Variants in TTN observed in about 807,000 individuals in gnomAD.
The protein encoded by TTN is connectin.
In TTN, 1,525 loss-of-function variants were observed where a neutral mutation model predicts 3,223.0. That is an observed-to-expected ratio of 0.47 (90% CI 0.45 to 0.49). The LOEUF is 0.49. Ranked by LOEUF, TTN falls within the 20% of genes least tolerant of loss-of-function variation. The pLI is 0.00. For synonymous variants in TTN, 14,094 were observed against 15,161.0 expected (o/e 0.93, Z 5.17); for missense variants, 40,786 against 43,424.0 (o/e 0.94, Z 5.40).
rs371014054 is a variant in TTN at position 178,727,579 on chromosome 2, G to A, written c.19993+6C>T. Reference sequence around the variant, plus strand: ...ACAGAAACATAAAGGAATCAAATTTGCACACCTGTCACAAGCAACATCGTA... The same window carrying A: ...ACAGAAACATAAAGGAATCAAATTTACACACCTGTCACAAGCAACATCGTA... On this transcript the variant is annotated splice_donor_region_variant and intron_variant, in intron 68 of 362. Transcript: ENST00000589042. 1.3e-6 allele frequency: 2 copies of A among 1,552,212 alleles called. No individual in the cohort carries two copies. Among genetic ancestry groups the A allele is most frequent in the African/African-American group, 1.4e-5 (1 of 72,770 alleles).
chr2:178,752,008 T>A, intron 47 of TTN: 1 of 1,592,504 alleles, frequency 6.3e-7, no homozygotes, highest in East Asian at 2.2e-5. Context: ...TATCCCTTTC[T>A]GAATGTTCAG....
At position 178,589,781 on chromosome 2, in the gene TTN, T is replaced by C. The variant is rs1166290484; in HGVS notation, c.61944A>G (p.Val20648=). 1.2e-6 allele frequency: 2 copies of C among 1,613,584 alleles called. No individual in the cohort carries two copies. Among genetic ancestry groups the C allele is most frequent in the Admixed American group, 1.7e-5 (1 of 59,998 alleles). Residue 20648 remains valine (V), a synonymous_variant, in exon 304 of 363, where the codon GTA becomes GTG. Transcript: ENST00000589042. ...YYFRVCAENK[V]GVGPTIETKT... ...TTGTTTCGATGGTTGGCCCAACACC[T>C]ACTTTATTCTCTGCACAAACTCGGA...
intron 218 of TTN, among the ~76,000 whole-genome samples, chr2:178,643,239 G>A (rs2061471222): frequency 6.6e-6 from 1 of 151,964 alleles, no homozygotes; most frequent in African/African-American, 2.4e-5. Context: ...CCTATTTAGG[G>A]CTTTAAACAA....
At position 178,722,951 on chromosome 2, in the gene TTN, G is replaced by A; in HGVS notation, c.21962-14C>T. 6.2e-7 allele frequency: 1 copy of A among 1,603,176 alleles called. No individual in the cohort carries two copies. The highest frequency in any genetic ancestry group is 1.7e-5 in the Admixed American group (1 of 58,290). On this transcript the variant is annotated splice_polypyrimidine_tract_variant and intron_variant, in intron 75 of 362. Coordinates refer to ENST00000589042, the MANE Select transcript of TTN (RefSeq NM_001267550.2). ...AATAAGGCGGTTCTAAGGAAGAAAG[G>A]CTCACAGTTAGCAACTGGAATTAAT...
At position 178,620,694 on chromosome 2, in the gene TTN, AGTG is replaced by A. The variant is rs1559872162; in HGVS notation, c.45895+18_45895+20del. ...AACAGAAACTGATGAAAAAATCTCT[AGTG>A]GTATATAAATTACTTACCTTCTACT... On this transcript the variant is annotated intron_variant, in intron 247 of 362. Transcript: ENST00000589042. 1 of 1,608,888 alleles carries A rather than the reference AGTG, an allele frequency of 6.2e-7. No homozygotes were observed. The highest frequency in any genetic ancestry group is 1.1e-5 in the South Asian group (1 of 89,658).
rs755637336 is a variant in TTN at position 178,531,889 on chromosome 2, G to A, written c.104726C>T (p.Ser34909Phe). The A allele has an allele frequency of 6.2e-7, 1 of 1,612,810 alleles. No homozygotes were observed. The change falls in exon 358 of 363, where the codon TCC (serine) becomes TTC (phenylalanine). Residue 34909 changes from serine (S) to phenylalanine (F), a missense_variant. By Grantham distance (155) the Ser-to-Phe change is radical. Transcript: ENST00000589042. ...AGCAGCTTTCATGGACTCATACCTG[G>A]AAAAGATATCAAATCTTGCAGACCT... ...FERSARFDIF[S>F]RYESMKAALK...
Position 178,531,643 on chromosome 2 carries a change from G to A in TTN, c.104972C>T (p.Thr34991Ile). The A allele has an allele frequency of 6.2e-7, 1 of 1,613,980 alleles. No individual in the cohort carries two copies. The highest frequency in any genetic ancestry group is 1.3e-5 in the African/African-American group (1 of 75,044). Residue 34991 changes from threonine (T) to isoleucine (I), a missense_variant, in exon 358 of 363, where the codon ACC becomes ATC. Transcript: ENST00000589042. Reference sequence around the variant, plus strand: ...CAGGGTGAGGACTCCACTCGTGTTGGTGTAATGAATCTTACTGCTTTCTTG... The same window carrying A: ...CAGGGTGAGGACTCCACTCGTGTTGATGTAATGAATCTTACTGCTTTCTTG... ...ELQESSKIHY[T>I]NTSGVLTLEI...
At chr2:178,696,603 T>C (rs543551923) in intron 113 of TTN, among the ~76,000 whole-genome samples, 4 of 152,178 alleles carry the variant, frequency 2.6e-5, no homozygotes, top group African/African-American at 9.6e-5. Flanking sequence ...ATTCGATAAG[T>C]TCATGGAATT....
chr2:178,738,208 G>T lies in TTN; in HGVS notation c.14245C>A (p.Arg4749=). ...AGGCTGGAGATATACTTTGAAGATC[G>T]AATAGAACACTTGTCACTCTCATAA... ...EIYESDKCSI[R]SSKYISSLEI... Residue 4749 remains arginine, a synonymous_variant, in exon 49 of 363, where the codon CGA becomes AGA. Coordinates refer to ENST00000589042, the MANE Select transcript of TTN (RefSeq NM_001267550.2). 6.2e-7 allele frequency: 1 copy of T among 1,613,642 alleles called. No individual in the cohort carries two copies. The highest frequency in any genetic ancestry group is 8.5e-7 in the Non-Finnish European group (1 of 1,179,754).
intron 254 of TTN, 43 bp from the exon 255 acceptor site, chr2:178,617,277 T>C (rs1471155572): frequency 1.3e-6 from 2 of 1,543,330 alleles, no homozygotes; most frequent in Non-Finnish European, 1.7e-6. Context: ...CATACAGTTA[T>C]GTCCATGATC....
In TTN at chr2:178,735,860, T is replaced by A. The variant is rs1260217446; in HGVS notation, c.14586A>T (p.Arg4862Ser). Residue 4862 changes from arginine to serine, a missense_variant, in exon 50 of 363, where the codon AGA (arginine) becomes AGT (serine). Physicochemically the swap from Arg to Ser is moderately radical, Grantham distance 110. Coordinates refer to ENST00000589042, the MANE Select transcript of TTN (RefSeq NM_001267550.2). ...TGGAAGCCTTACAAGAATAAACTCC[T>A]CTATCTTGAATGGTAAGGTTTGAGA... ...LELSNLTIQD[R>S]GVYSCKASNK... 6.2e-7 allele frequency: 1 copy of A among 1,613,878 alleles called. No homozygotes were observed. The highest frequency in any genetic ancestry group is 2.2e-5 in the East Asian group (1 of 44,842).
chr2:178,725,337 ACCAG>A (rs1235285417), intron 71 of TTN, 27 bp downstream of exon 71: 2 of 1,438,988 alleles, frequency 1.4e-6, no homozygotes, highest in Non-Finnish European at 1.8e-6. Context: ...AGCATTTGGC[ACCAG>A]TTTCTATCGT....
In TTN at chr2:178,624,733, T is replaced by G. The variant is rs756889798; in HGVS notation, c.44549-2A>C. 6.2e-7 allele frequency: 1 copy of G among 1,611,944 alleles called. No homozygotes were observed. The highest frequency in any genetic ancestry group is 8.5e-7 in the Non-Finnish European group (1 of 1,178,808). On this transcript the variant is annotated splice_acceptor_variant, in intron 241 of 362. Coordinates refer to ENST00000589042, the MANE Select transcript of TTN (RefSeq NM_001267550.2). LOFTEE classifies it high-confidence loss of function. ...GCTTAGTGAATTCAACTGGGGGTTCTGAAAGAATCATACTCATTAGCCAAG... is the reference window on the plus strand; with the variant it reads ...GCTTAGTGAATTCAACTGGGGGTTCGGAAAGAATCATACTCATTAGCCAAG...
rs1440093502 is a variant in TTN, at chr2:178,601,739, G to A, written c.55351C>T (p.Arg18451Ter). The stretch of plus-strand genomic sequence containing the variant: ...ATGCTGTATTTGCCTGTATGAGATC[G>A]TTTACACTCCGGAATAATAATTACT... Reference protein sequence around the residue: ...SSVIIIPECKRSHTGKYSITA... With the variant: ...SSVIIIPECK The change falls in exon 286 of 363, where the codon CGA becomes TGA. Residue 18451 changes from arginine to a stop codon, truncating the protein, a stop_gained. Coordinates refer to ENST00000589042, the MANE Select transcript of TTN (RefSeq NM_001267550.2). LOFTEE classifies it high-confidence loss of function. 3 of 1,609,134 alleles carry A rather than the reference G, an allele frequency of 1.9e-6. No homozygotes were observed. Among genetic ancestry groups the A allele is most frequent in the Non-Finnish European group, 2.5e-6 (3 of 1,178,402 alleles).
At chr2:178,788,547 ACT>A (rs1480430971) in intron 13 of TTN, among the ~76,000 whole-genome samples, 1 of 152,216 alleles carries the variant, frequency 6.6e-6, no homozygotes, top group East Asian at 1.9e-4. Context: ...AGAAAATGAC[ACT>A]GAGGGAAATA....
Position 178,534,509 on chromosome 2 carries a change from C to CATCGAAAGTATA in TTN, c.102094_102105dup (p.Tyr34032_Asp34035dup). On this transcript the variant is annotated inframe_insertion, in exon 358 of 363. Coordinates refer to ENST00000589042, the MANE Select transcript of TTN (RefSeq NM_001267550.2). ...ATGCTAATCTCTTTGAATGCTTCCT[C>CATCGAAAGTATA]ATCGAAAGTATATTCAGCATTCATG... The CATCGAAAGTATA allele has an allele frequency of 6.2e-7, 1 of 1,613,844 alleles. No individual in the cohort carries two copies. Among genetic ancestry groups the CATCGAAAGTATA allele is most frequent in the Non-Finnish European group, 8.5e-7 (1 of 1,179,804 alleles).
chr2:178,791,946 G>T, intron 10 of TTN, 126 bp downstream of exon 10: 1 of 1,020,044 alleles, frequency 9.8e-7, no homozygotes, highest in Non-Finnish European at 1.4e-6. Flanking sequence ...AGACATAGAG[G>T]AACAATAACA....
Position 178,780,001 on chromosome 2 carries a change from T to C in TTN, c.3728A>G (p.Gln1243Arg), listed in dbSNP as rs748507160. Residue 1243 changes from glutamine to arginine, a missense_variant and splice_region_variant, in exon 22 of 363, where the codon CAG becomes CGG. Transcript: ENST00000589042. ...TVVVRTYVED[Q>R]EFHISSFEER... ...GTTGGTCATTACTTTTATACTCACC[T>C]GATCTTCTACATAAGTTCTGACCAC... 1.9e-6 allele frequency: 3 copies of C among 1,611,552 alleles called. No homozygotes were observed. The highest frequency in any genetic ancestry group is 2.5e-6 in the Non-Finnish European group (3 of 1,179,148).
At position 178,734,729 on chromosome 2, in the gene TTN, G is replaced by T; in HGVS notation, c.15195C>A (p.Cys5065Ter). The T allele has an allele frequency of 6.2e-7, 1 of 1,612,456 alleles. No homozygotes were observed. The highest frequency in any genetic ancestry group is 8.5e-7 in the Non-Finnish European group (1 of 1,178,740). Reference protein sequence around the residue: ...EAVNDVGSDSCSTEIVIKEPP... With the variant: ...EAVNDVGSDS ...AACCTTTGATAACTATTTCAGTACT[G>T]CAGCTATCACTGCCGACGTCATTCA... The change falls in exon 51 of 363, where the codon TGC becomes TGA. Residue 5065 changes from cysteine to a stop codon, truncating the protein, a stop_gained. Coordinates refer to ENST00000589042, the MANE Select transcript of TTN (RefSeq NM_001267550.2). LOFTEE classifies it high-confidence loss of function.
Sources: allele counts gnomAD v4.1 joint callset (sites outside exome capture counted in the v4.1 genomes callset), GRCh38; gene constraint gnomAD v4.1.1; transcripts MANE v1.5; gene names NCBI Gene and HGNC (gene_info 2026-07-23, HGNC 2026-07-21).